ANKIB1: variants seen among roughly 807,000 people sequenced by gnomAD.
ANKIB1 encodes the protein ankyrin repeat and IBR domain containing 1.
A neutral mutation model predicts 122.1 loss-of-function variants in ANKIB1; 43 were observed. The ratio of observed to expected loss-of-function variants is 0.35; its 90% confidence interval spans 0.28 to 0.45. The LOEUF (loss-of-function observed/expected upper bound fraction) is 0.45, where lower values mean the gene tolerates loss of function less well. Ranked by LOEUF, ANKIB1 falls within the 20% of genes least tolerant of loss-of-function variation. The pLI, the probability that ANKIB1 is intolerant of heterozygous loss-of-function variation, is 1.00. For synonymous variants in ANKIB1, 390 were observed against 442.0 expected (o/e 0.88, Z 1.48); for missense variants, 992 against 1,329.5 (o/e 0.75, Z 3.95).
At chr7:92,388,255 G>A (rs1804709616) in intron 14 of ANKIB1, among the ~76,000 whole-genome samples, 1 of 152,184 alleles carries the variant, frequency 6.6e-6, no homozygotes, top group Non-Finnish European at 1.5e-5. Flanking sequence ...TCTTGATGCA[G>A]CCTGTGGTGT....
Position 92,371,427 on chromosome 7 carries a change from A to G in ANKIB1, c.1487-50A>G, listed in dbSNP as rs1184689887. Reference sequence around the variant, plus strand: ...GTGGAGGGTTTTTTTTTCCCCCAGAAGTTGTACACTAAATCATTTATTTTT... The same window carrying G: ...GTGGAGGGTTTTTTTTTCCCCCAGAGGTTGTACACTAAATCATTTATTTTT... On this transcript the variant is annotated intron_variant, in intron 10 of 19. Transcript: ENST00000265742. 3.3e-6 allele frequency: 5 copies of G among 1,529,900 alleles called. No individual in the cohort carries two copies. The East Asian group carries it at 1.2e-4, about 36-fold the overall frequency. The allele number at this position is 1,529,900 out of a possible 1,614,324, so 94.8% of individuals were successfully genotyped here. A position where few individuals can be genotyped will look rare whatever the true frequency, so the allele number is the denominator to read the frequency against.
chr7:92,291,672 G>A lies in ANKIB1; in HGVS notation c.-90-3217G>A, dbSNP rs112950283. Among the ~76,000 whole-genome samples the A allele has an allele frequency of 5.2e-3, 779 of 150,936 alleles. 7 individuals carry two copies. The highest frequency in any genetic ancestry group is 0.018 in the African/African-American group (739 of 41,124). ...GCTCGCTGCAAGCTCCACCTCCCAGGTTCAACCAATTCTCCTGCCGCAGCC... is the reference window on the plus strand; with the variant it reads ...GCTCGCTGCAAGCTCCACCTCCCAGATTCAACCAATTCTCCTGCCGCAGCC... On this transcript the variant is annotated intron_variant, in intron 1 of 19. Transcript: ENST00000265742.
rs373112116 is a variant in ANKIB1, at chr7:92,331,526, G to A, written c.787+3626G>A. ...TGACCTCAAGTGATCCGCCTGCCTC[G>A]GCCTCCCAGAGTGTTGGGATTACAG... On this transcript the variant is annotated intron_variant, in intron 5 of 19. Transcript: ENST00000265742. Among the ~76,000 whole-genome samples the A allele has an allele frequency of 4.0e-4, 60 of 151,816 alleles. 1 individual carries two copies. The highest frequency in any genetic ancestry group is 1.1e-3 in the African/African-American group (45 of 41,370).
intron 4 of ANKIB1, among the ~76,000 whole-genome samples, chr7:92,322,878 T>C (rs1355656333): frequency 6.6e-6 from 1 of 152,198 alleles, no homozygotes; most frequent in Non-Finnish European, 1.5e-5. Context: ...GTTCATATCT[T>C]TGCCTGATGG....
chr7:92,348,521 G>T (rs1346795826), intron 7 of ANKIB1, among the ~76,000 whole-genome samples: 1 of 151,988 alleles, frequency 6.6e-6, no homozygotes, highest in African/African-American at 2.4e-5. Flanking sequence ...GAGGAGCTGG[G>T]ATTACAGACA....
At chr7:92,341,967 C>G (rs988933790) in intron 5 of ANKIB1, among the ~76,000 whole-genome samples, 6 of 151,912 alleles carry the variant, frequency 3.9e-5, no homozygotes, top group East Asian at 1.9e-4. Context: ...TTTTCCCTAC[C>G]TGGAAATATA....
chr7:92,335,452 C>A (rs991186250), intron 5 of ANKIB1, among the ~76,000 whole-genome samples: 5 of 151,838 alleles, frequency 3.3e-5, no homozygotes, highest in South Asian at 4.1e-4. Context: ...AAGACTAGTT[C>A]CATCAGTTGA....
At chr7:92,323,275 T>C (rs957427686) in intron 4 of ANKIB1, among the ~76,000 whole-genome samples, 1 of 152,178 alleles carries the variant, frequency 6.6e-6, no homozygotes, top group Non-Finnish European at 1.5e-5. Flanking sequence ...CTTGCTAGCA[T>C]TGAATATTAT....
intron 10 of ANKIB1, among the ~76,000 whole-genome samples, chr7:92,366,722 C>T (rs908484649): frequency 3.3e-5 from 5 of 152,166 alleles, no homozygotes; most frequent in Admixed American, 2.0e-4. Context: ...TAGAGTAATA[C>T]ATCTCCCTAC....
Position 92,333,914 on chromosome 7 carries a change from T to C in ANKIB1, c.787+6014T>C, listed in dbSNP as rs181692516. On this transcript the variant is annotated intron_variant, in intron 5 of 19. Coordinates refer to ENST00000265742, the MANE Select transcript of ANKIB1 (RefSeq NM_019004.2). ...AATAATACTATCCTAAGAAAGTTGTTTTTACTTTATATGCCTCACATTTTT... is the reference window on the plus strand; with the variant it reads ...AATAATACTATCCTAAGAAAGTTGTCTTTACTTTATATGCCTCACATTTTT... Among the ~76,000 whole-genome samples the C allele has an allele frequency of 1.1e-3, 167 of 152,292 alleles. 2 individuals are homozygous for C. Among genetic ancestry groups the C allele is most frequent in the African/African-American group, 3.8e-3 (159 of 41,580 alleles).
rs536931275 is a variant in ANKIB1, at chr7:92,399,448, C to T, written c.*499C>T. 2 of 152,260 alleles carry T rather than the reference C, an allele frequency of 1.3e-5. No individual in the cohort carries two copies. Among genetic ancestry groups the T allele is most frequent in the South Asian group, 4.1e-4 (2 of 4,826 alleles). The allele number at this position is 152,260 out of a possible 1,614,324, so 9.4% of individuals were successfully genotyped here. ...ATAACTTACTTCCTTTTTGTCTGAG[C>T]AATGTGAATTGAAGTCTCTTTAGTA... On this transcript the variant is annotated 3_prime_UTR_variant, in exon 20 of 20. Transcript: ENST00000265742.
At chr7:92,387,595 C>T (rs1265707078) in intron 12 of ANKIB1, among the ~76,000 whole-genome samples, 4 of 151,200 alleles carry the variant, frequency 2.6e-5, no homozygotes, top group Admixed American at 6.6e-5. Context: ...CAGATTGCAC[C>T]ACTGCACTCC....
At chr7:92,316,801 C>A (rs1403603412) in intron 3 of ANKIB1, among the ~76,000 whole-genome samples, 1 of 152,140 alleles carries the variant, frequency 6.6e-6, no homozygotes, top group Non-Finnish European at 1.5e-5. Context: ...TTCCCCTTAC[C>A]AAGATTCTGT....
At chr7:92,396,006 A>T (rs1804883321) in intron 17 of ANKIB1, 2 of 219,288 alleles carry the variant, frequency 9.1e-6, no homozygotes, top group Middle Eastern at 1.7e-3. Flanking sequence ...ATAAAAAATA[A>T]AAAACCTCCC....
intron 10 of ANKIB1, among the ~76,000 whole-genome samples, chr7:92,369,666 C>T (rs777496423): frequency 6.6e-6 from 1 of 152,164 alleles, no homozygotes; most frequent in Non-Finnish European, 1.5e-5. Flanking sequence ...TTTACCCCAC[C>T]ACCCTTCTGA....
intron 1 of ANKIB1, among the ~76,000 whole-genome samples, chr7:92,274,918 C>A (rs1330034405): frequency 2.0e-5 from 3 of 152,154 alleles, no homozygotes; most frequent in Non-Finnish European, 4.4e-5. Context: ...CAGAATGAGA[C>A]CCTGTCTCAA....
At chr7:92,281,569 A>T (rs1802012801) in intron 1 of ANKIB1, among the ~76,000 whole-genome samples, 1 of 152,258 alleles carries the variant, frequency 6.6e-6, no homozygotes, top group African/African-American at 2.4e-5. Flanking sequence ...TAATAAATTC[A>T]TTTAGGTTCA....
chr7:92,299,226 A>G (rs1213019690), intron 2 of ANKIB1, among the ~76,000 whole-genome samples: 1 of 152,246 alleles, frequency 6.6e-6, no homozygotes, highest in Non-Finnish European at 1.5e-5. Context: ...GACTTTTCTG[A>G]TAAGATTGAT....
At chr7:92,309,937 A>AT (rs1430548379) in intron 3 of ANKIB1, among the ~76,000 whole-genome samples, 54 of 135,726 alleles carry the variant, frequency 4.0e-4, no homozygotes, top group East Asian at 1.5e-3. Flanking sequence ...AAAAAAAAAA[A>AT]AAAAAATATA....
Sources: allele counts gnomAD v4.1 joint callset (sites outside exome capture counted in the v4.1 genomes callset), GRCh38; gene constraint gnomAD v4.1.1; transcripts MANE v1.5; gene names NCBI Gene and HGNC (gene_info 2026-07-23, HGNC 2026-07-21).